The following DUSP18 variants were observed in gnomAD, a reference collection of about 807,000 sequenced individuals.
DUSP18 encodes dual specificity phosphatase 18.
A neutral mutation model predicts 6.3 loss-of-function variants in DUSP18; 4 were observed. The ratio of observed to expected loss-of-function variants is 0.63; its 90% CI spans 0.31 to 1.45. DUSP18 has a LOEUF of 1.45. Among genes scored for constraint, DUSP18 ranks in the 40% most tolerant of loss-of-function variants. The probability of loss-of-function intolerance (pLI) is 0.07; values close to 1 mark genes in which losing one functional copy is unlikely to be tolerated. For synonymous variants in DUSP18, 96 were observed against 95.1 expected (o/e 1.01, Z -0.05); for missense variants, 235 against 247.7 (o/e 0.95, Z 0.34).
At chr22:30,654,455 C>T (rs1602089251) in intron 2 of DUSP18, 1 of 438,920 alleles carries the variant, frequency 2.3e-6, no homozygotes, top group Non-Finnish European at 4.5e-6. Flanking sequence ...GCAGCAGGAA[C>T]CACCACCTGC....
In DUSP18 at chr22:30,663,789, G is replaced by A. The variant is rs1425611552; in HGVS notation, c.215C>T (p.Ala72Val). 1 of 1,614,224 alleles carries A rather than the reference G, an allele frequency of 6.2e-7. No individual in the cohort carries two copies. Among genetic ancestry groups the A allele is most frequent in the South Asian group, 1.1e-5 (1 of 91,086 alleles). The change falls in exon 2 of 2, where the codon GCT becomes GTT. Residue 72 changes from alanine (A) to valine (V), a missense_variant. Ala to Val is a moderately conservative substitution (Grantham distance 64). Transcript: ENST00000334679. ...EDIQYMQVPVADSPNSRLCDF... is the reference protein window; with the variant it reads ...EDIQYMQVPVVDSPNSRLCDF... ...ACAGAGACGTGAGTTAGGGGAGTCA[G>A]CCACAGGTACCTGCATGTACTGGAT...
chr22:30,659,019 G>C (rs997004151), downstream of DUSP18, among the ~76,000 whole-genome samples: 3 of 151,734 alleles, frequency 2.0e-5, no homozygotes. Flanking sequence ...AGCTATTCGG[G>C]AGGCTGAGGC....
downstream of DUSP18, among the ~76,000 whole-genome samples, chr22:30,656,768 T>C (rs1386655701): frequency 1.3e-5 from 2 of 152,172 alleles, no homozygotes; most frequent in Admixed American, 1.3e-4. Flanking sequence ...CCACTTAGGA[T>C]ATGAACTCCT....
chr22:30,664,086 G>A lies in DUSP18; in HGVS notation c.-77-6C>T. On this transcript the variant is annotated splice_polypyrimidine_tract_variant and splice_region_variant and intron_variant, in intron 1 of 1. Coordinates refer to ENST00000334679, the MANE Select transcript of DUSP18 (RefSeq NM_152511.5). ...TAGGCTGTGTCCATGGAAAACTGCA[G>A]AGAGGGAGAGGATGTTTAGAGGGCA... 1.5e-6 allele frequency: 2 copies of A among 1,340,888 alleles called. No individual in the cohort carries two copies. Among genetic ancestry groups the A allele is most frequent in the East Asian group, 2.5e-5 (1 of 39,900 alleles). The allele number at this position is 1,340,888 out of a possible 1,614,324, so 83.1% of individuals were successfully genotyped here.
At chr22:30,656,137 C>CT (rs371322594) in intron 2 of DUSP18, among the ~76,000 whole-genome samples, 100 of 145,174 alleles carry the variant, frequency 6.9e-4, no homozygotes, top group African/African-American at 1.4e-3. Flanking sequence ...CCATGCTGGG[C>CT]TTTTTTTTTT....
Position 30,664,007 on chromosome 22 carries a change from G to C in DUSP18, c.-4C>G, listed in dbSNP as rs760706123. 60 of 1,610,086 alleles carry C rather than the reference G, an allele frequency of 3.7e-5. No homozygotes were observed. Among genetic ancestry groups the C allele is most frequent in the Non-Finnish European group, 5.0e-5 (59 of 1,177,062 alleles). Reference sequence around the variant, plus strand: ...AGGCACACGAGGGTGCTGTCATCAAGGCGGTGGGTCAGTGGTCAGCAGTCA... The same window carrying C: ...AGGCACACGAGGGTGCTGTCATCAACGCGGTGGGTCAGTGGTCAGCAGTCA... On this transcript the variant is annotated 5_prime_UTR_variant, in exon 2 of 2. Coordinates refer to ENST00000334679, the MANE Select transcript of DUSP18 (RefSeq NM_152511.5).
chr22:30,653,226 G>T (rs751273287), intron 2 of DUSP18, among the ~76,000 whole-genome samples: 9 of 152,136 alleles, frequency 5.9e-5, no homozygotes, highest in Non-Finnish European at 8.8e-5. Context: ...TGGATGTTCT[G>T]ACGTTTCCAA....
chr22:30,665,589 TCA>T (rs1160038405), intron 1 of DUSP18: 4 of 469,346 alleles, frequency 8.5e-6, no homozygotes, highest in Non-Finnish European at 1.8e-5. Flanking sequence ...TCTCCTTAGA[TCA>T]CACCCCTCCC....
downstream of DUSP18, among the ~76,000 whole-genome samples, chr22:30,658,964 G>A (rs146191869): frequency 0.014 from 2,156 of 151,986 alleles, 39 homozygotes; most frequent in African/African-American, 0.048. Flanking sequence ...CTAACATGGC[G>A]AAACCGCATC....
chr22:30,663,730 T>C lies in DUSP18; in HGVS notation c.274A>G (p.Ser92Gly), dbSNP rs775683131. The change falls in exon 2 of 2, where the codon AGC (serine) becomes GGC (glycine). Residue 92 changes from serine to glycine, a missense_variant. Physicochemically the swap from Ser to Gly is moderately conservative, Grantham distance 56. Transcript: ENST00000334679. ...FFDPIADHIHSVEMKQGRTLL... is the reference protein window; with the variant it reads ...FFDPIADHIHGVEMKQGRTLL... ...GTACGGCCCTGCTTCATCTCCACGC[T>C]GTGGATATGGTCAGCAATAGGGTCA... 5.0e-6 allele frequency: 8 copies of C among 1,614,080 alleles called. No homozygotes were observed. In the African/African-American group the frequency reaches 8.0e-5, roughly 16 times the overall value.
chr22:30,666,650 A>ATCTC (rs1244912518), intron 1 of DUSP18, among the ~76,000 whole-genome samples: 2 of 149,156 alleles, frequency 1.3e-5, no homozygotes, highest in Non-Finnish European at 1.5e-5. Context: ...AAAAAAAGCA[A>ATCTC]TCTCTATCAG....
intron 1 of DUSP18, among the ~76,000 whole-genome samples, chr22:30,666,621 CAAAAAAAAAA>C (rs55979351): frequency 1.8e-4 from 11 of 62,498 alleles, no homozygotes; most frequent in Admixed American, 2.6e-4. Context: ...GACTCCATCT[CAAAAAAAAAA>C]AAAAAAAAAA....
chr22:30,660,668 C>T (rs1261608373), downstream of DUSP18, among the ~76,000 whole-genome samples: 1 of 152,042 alleles, frequency 6.6e-6, no homozygotes, highest in East Asian at 1.9e-4. Context: ...ATAAGGATAA[C>T]CGAAAGAAAT....
At chr22:30,660,104 C>T (rs1314522630), downstream of DUSP18, among the ~76,000 whole-genome samples, 2 of 152,214 alleles carry the variant, frequency 1.3e-5, no homozygotes, top group African/African-American at 4.8e-5. Context: ...CAGGGAAAAA[C>T]ACATTTGGTT....
intron 2 of DUSP18, chr22:30,653,982 T>TG (rs1332374004): frequency 1.0e-4 from 15 of 147,974 alleles, no homozygotes; most frequent in African/African-American, 4.5e-4. Context: ...GTTTTGTTTT[T>TG]TTGTTTTTTT....
chr22:30,658,933 A>G (rs1312978356), downstream of DUSP18, among the ~76,000 whole-genome samples: 1 of 152,032 alleles, frequency 6.6e-6, no homozygotes, highest in Non-Finnish European at 1.5e-5. Flanking sequence ...TCACGAGATC[A>G]GGAGATCGAG....
chr22:30,656,729 C>T (rs1239847509), downstream of DUSP18, among the ~76,000 whole-genome samples: 1 of 152,136 alleles, frequency 6.6e-6, no homozygotes, highest in East Asian at 1.9e-4. Context: ...GACGTGGACC[C>T]TCTCAAAAGC....
rs117945007 is a variant in DUSP18 at position 30,667,804 on chromosome 22, G to C, written c.-420C>G. 1 of 138,280 alleles carries C rather than the reference G, an allele frequency of 7.2e-6. No homozygotes were observed. Among genetic ancestry groups the C allele is most frequent in the East Asian group, 1.9e-4 (1 of 5,182 alleles). 8.6% of individuals were successfully genotyped at this position (138,280 alleles called of 1,614,324 possible). A position where few individuals can be genotyped will look rare whatever the true frequency, so the allele number is the denominator to read the frequency against. On this transcript the variant is annotated 5_prime_UTR_variant, in exon 1 of 2. Transcript: ENST00000334679. ...TCCATCCAGCCCTGCCCATCTCTAC[G>C]GCAACGGGCCGGGTCGCACCAGGGC...
chr22:30,666,047 G>A (rs1203795140), intron 1 of DUSP18, among the ~76,000 whole-genome samples: 2 of 152,156 alleles, frequency 1.3e-5, no homozygotes, highest in East Asian at 1.9e-4. Flanking sequence ...GCTCATTCCC[G>A]GAAGGACAGA....
Sources: allele counts gnomAD v4.1 joint callset (sites outside exome capture counted in the v4.1 genomes callset), GRCh38; gene constraint gnomAD v4.1.1; transcripts MANE v1.5; gene names NCBI Gene and HGNC (gene_info 2026-07-23, HGNC 2026-07-21).